The following DCTN5 variants were observed in gnomAD, a reference collection of about 807,000 sequenced individuals.
DCTN5 encodes the protein dynactin subunit 5, also known as dynactin 4.
DCTN5 carries 14 observed loss-of-function variants against 23.5 expected under a neutral mutation model. The ratio of observed to expected loss-of-function variants is 0.60; its 90% CI spans 0.39 to 0.93. The LOEUF is 0.93. DCTN5 is among the 40% of genes least tolerant of loss of function. DCTN5 has a pLI of 0.00. For synonymous variants in DCTN5, 67 were observed against 79.6 expected, an observed-to-expected ratio of 0.84 and a Z score of 0.84; for missense variants, 156 against 225.9, an observed-to-expected ratio of 0.69 and a Z score of 1.98.
chr16:23,674,788 A>C lies in DCTN5; in HGVS notation c.*7644A>C, dbSNP rs911623768. On this transcript the variant is annotated 3_prime_UTR_variant, in exon 6 of 6. Transcript: ENST00000300087. ...CAAAGTACCACAAACTGAGTGACTT[A>C]CACAATAGAAACTTATTTTCCTGCA... The C allele has an allele frequency of 2.6e-5, 4 of 152,220 alleles. No homozygotes were observed. The highest frequency in any genetic ancestry group is 9.6e-5 in the African/African-American group (4 of 41,456). The allele number at this position is 152,220 out of a possible 1,614,324, so 9.4% of individuals were successfully genotyped here. A position where few individuals can be genotyped will look rare whatever the true frequency, so the allele number is the denominator to read the frequency against.
intron 2 of DCTN5, among the ~76,000 whole-genome samples, chr16:23,655,649 A>G (rs1027825990): frequency 6.6e-5 from 10 of 151,610 alleles, no homozygotes; most frequent in South Asian, 2.1e-4. Flanking sequence ...TACTCAGACA[A>G]TCCCCCCACC....
intron 4 of DCTN5, among the ~76,000 whole-genome samples, chr16:23,662,614 T>C (rs1219690559): frequency 6.6e-6 from 1 of 152,156 alleles, no homozygotes; most frequent in African/African-American, 2.4e-5. Context: ...CCCTGAAATA[T>C]CAAAAAACTT....
rs1967998345 is a variant in DCTN5, at chr16:23,671,087, G to C, written c.*3943G>C. 1 of 152,194 alleles carries C rather than the reference G, an allele frequency of 6.6e-6. No individual in the cohort carries two copies. The highest frequency in any genetic ancestry group is 1.5e-5 in the Non-Finnish European group (1 of 68,036). 9.4% of individuals were successfully genotyped at this position (152,194 alleles called of 1,614,324 possible). A position where few individuals can be genotyped will look rare whatever the true frequency, so the allele number is the denominator to read the frequency against. The stretch of plus-strand genomic sequence containing the variant: ...GGGGCCCATTTTGAGAGCCATCATA[G>C]TGGTGAGGAGTGTGAGTGCTAGAGT... On this transcript the variant is annotated 3_prime_UTR_variant, in exon 6 of 6. Coordinates refer to ENST00000300087, the MANE Select transcript of DCTN5 (RefSeq NM_032486.4).
chr16:23,652,785 A>G (rs1346793471), intron 2 of DCTN5, among the ~76,000 whole-genome samples: 1 of 152,218 alleles, frequency 6.6e-6, no homozygotes, highest in Non-Finnish European at 1.5e-5. Flanking sequence ...TCATTGACAT[A>G]TAATAGATGT....
rs1314473599 is a variant in DCTN5, at chr16:23,668,064, C to T, written c.*920C>T. 6.6e-6 allele frequency: 1 copy of T among 152,216 alleles called. No individual in the cohort carries two copies. Among genetic ancestry groups the T allele is most frequent in the Non-Finnish European group, 1.5e-5 (1 of 68,044 alleles). The allele number at this position is 152,216 out of a possible 1,614,324, so 9.4% of individuals were successfully genotyped here. On this transcript the variant is annotated 3_prime_UTR_variant, in exon 6 of 6. Coordinates refer to ENST00000300087, the MANE Select transcript of DCTN5 (RefSeq NM_032486.4). ...TATATACAGGAAGGGCTCTTAGAATCAGTTTGTGGGCACAGAGCCTCAGGA... is the reference window on the plus strand; with the variant it reads ...TATATACAGGAAGGGCTCTTAGAATTAGTTTGTGGGCACAGAGCCTCAGGA...
At chr16:23,648,438 G>A (rs1967522974) in intron 2 of DCTN5, among the ~76,000 whole-genome samples, 1 of 145,468 alleles carries the variant, frequency 6.9e-6, no homozygotes, top group Non-Finnish European at 1.5e-5. Context: ...CAATCTCCAC[G>A]TCCTTGGTTG....
intron 2 of DCTN5, among the ~76,000 whole-genome samples, chr16:23,655,042 T>C (rs1295465682): frequency 6.6e-6 from 1 of 152,246 alleles, no homozygotes; most frequent in African/African-American, 2.4e-5. Flanking sequence ...TTCTTTATCC[T>C]TTCGCCCATT....
At chr16:23,646,997 C>A (rs1289233638) in intron 2 of DCTN5, among the ~76,000 whole-genome samples, 1 of 152,172 alleles carries the variant, frequency 6.6e-6, no homozygotes, top group Non-Finnish European at 1.5e-5. Flanking sequence ...ATGGTCTTGG[C>A]ACTCTTCTAG....
intron 2 of DCTN5, among the ~76,000 whole-genome samples, chr16:23,647,050 T>G (rs1047149140): frequency 5.9e-5 from 9 of 152,204 alleles, no homozygotes; most frequent in Non-Finnish European, 1.3e-4. Context: ...TTGTGAACTC[T>G]CAATTCTATT....
chr16:23,658,357 C>T (rs1967748902), intron 2 of DCTN5, 150 bp from the exon 3 acceptor site: 1 of 635,244 alleles, frequency 1.6e-6, no homozygotes, highest in African/African-American at 1.8e-5. Flanking sequence ...CTCTTTTTAC[C>T]TTACAATTTA....
chr16:23,666,063 G>A, intron 5 of DCTN5: 2 of 227,396 alleles, frequency 8.8e-6, no homozygotes, highest in Non-Finnish European at 1.7e-5. Context: ...ATAAAGCCTT[G>A]GATCCACACA....
At position 23,665,684 on chromosome 16, in the gene DCTN5, C is replaced by T. The variant is rs1001350013; in HGVS notation, c.407C>T (p.Pro136Leu). 3 of 1,614,130 alleles carry T rather than the reference C, an allele frequency of 1.9e-6. No individual in the cohort carries two copies. Among genetic ancestry groups the T allele is most frequent in the East Asian group, 2.2e-5 (1 of 44,888 alleles). Reference sequence around the variant, plus strand: ...ATTCTTGACAACACAGTATTACCTCCAGAAACTGTGGTTCCACCATTCACT... The same window carrying T: ...ATTCTTGACAACACAGTATTACCTCTAGAAACTGTGGTTCCACCATTCACT... Reference protein sequence around the residue: ...CKILDNTVLPPETVVPPFTVF... With the variant: ...CKILDNTVLPLETVVPPFTVF... Residue 136 changes from proline (P) to leucine (L), a missense_variant, in exon 5 of 6, where the codon CCA becomes CTA. Coordinates refer to ENST00000300087, the MANE Select transcript of DCTN5 (RefSeq NM_032486.4).
At chr16:23,664,961 T>G (rs981850527) in intron 4 of DCTN5, among the ~76,000 whole-genome samples, 33 of 152,278 alleles carry the variant, frequency 2.2e-4, no homozygotes, top group African/African-American at 7.5e-4. Context: ...GCTCCAGGCA[T>G]TCAGCCCATG....
rs928829027 is a variant in DCTN5 at position 23,672,512 on chromosome 16, G to C, written c.*5368G>C. Reference sequence around the variant, plus strand: ...ACAGATCATACTGTGTTTTGGTAGGGAGGGAGGGAGGAAGCAAGCAAGTGA... The same window carrying C: ...ACAGATCATACTGTGTTTTGGTAGGCAGGGAGGGAGGAAGCAAGCAAGTGA... On this transcript the variant is annotated 3_prime_UTR_variant, in exon 6 of 6. Transcript: ENST00000300087. The C allele has an allele frequency of 6.6e-6, 1 of 152,224 alleles. No homozygotes were observed. The highest frequency in any genetic ancestry group is 1.5e-5 in the Non-Finnish European group (1 of 68,044). 9.4% of individuals were successfully genotyped at this position (152,224 alleles called of 1,614,324 possible).
rs1567232360 is a variant in DCTN5, at chr16:23,658,633, A to C, written c.236+8A>C. 19 of 1,607,800 alleles carry C rather than the reference A, an allele frequency of 1.2e-5. No individual in the cohort carries two copies. The highest frequency in any genetic ancestry group is 1.6e-5 in the Non-Finnish European group (19 of 1,174,216). ...CAAGAAGTTCAGCAAAGGGTATGTA[A>C]TTTAATTACTTTGTTCAAGTCTTGG... is the stretch of plus-strand genomic sequence containing the variant. On this transcript the variant is annotated splice_region_variant and intron_variant, in intron 3 of 5. Coordinates refer to ENST00000300087, the MANE Select transcript of DCTN5 (RefSeq NM_032486.4).
At chr16:23,647,821 T>C (rs1967502797) in intron 2 of DCTN5, among the ~76,000 whole-genome samples, 1 of 152,194 alleles carries the variant, frequency 6.6e-6, no homozygotes, top group Non-Finnish European at 1.5e-5. Flanking sequence ...TTTTGCTTTT[T>C]AAAGATGTTT....
intron 2 of DCTN5, among the ~76,000 whole-genome samples, chr16:23,656,524 C>A (rs1312596294): frequency 6.6e-6 from 1 of 152,128 alleles, no homozygotes; most frequent in Non-Finnish European, 1.5e-5. Flanking sequence ...CAGTTGAATT[C>A]TCCAGCTGCT....
chr16:23,653,579 A>G (rs2140979398), intron 2 of DCTN5, among the ~76,000 whole-genome samples: 1 of 152,304 alleles, frequency 6.6e-6, no homozygotes, highest in African/African-American at 2.4e-5. Context: ...TTAAATATAA[A>G]ACCCAAAACT....
intron 4 of DCTN5, among the ~76,000 whole-genome samples, chr16:23,664,320 T>A (rs1222358572): frequency 6.6e-6 from 1 of 152,214 alleles, no homozygotes. Context: ...CTTAGGAAAT[T>A]CACATGCTTT....
Sources: gnomAD v4.1 joint callset for allele counts (sites outside exome capture counted in the v4.1 genomes callset) on GRCh38, gnomAD v4.1.1 for gene constraint, MANE v1.5 for transcripts, NCBI Gene and HGNC (gene_info 2026-07-23, HGNC 2026-07-21) for gene names.